The following METTL13 variants were observed in gnomAD, a reference collection of about 807,000 sequenced individuals.
METTL13 encodes the protein methyltransferase 13, eEF1A N-terminus and K55.
In METTL13, 52 loss-of-function variants were observed where a neutral mutation model predicts 67.4. The observed-to-expected ratio is 0.77, with a 90% confidence interval of 0.62 to 0.97. METTL13 has a LOEUF of 0.97. Among genes scored for constraint, METTL13 ranks in the 50% least tolerant of loss-of-function variants. The pLI is 0.00. For synonymous variants in METTL13, 354 were observed against 353.6 expected (o/e 1.00, Z -0.01); for missense variants, 825 against 889.6 (o/e 0.93, Z 0.92).
Position 171,796,825 on chromosome 1 carries a change from A to G in METTL13, c.*69A>G. The G allele has an allele frequency of 6.4e-7, 1 of 1,556,072 alleles. No individual in the cohort carries two copies. On this transcript the variant is annotated 3_prime_UTR_variant, in exon 8 of 8. Transcript: ENST00000361735. ...TCCCAGCCTGCCAGAGAATGAAGAA[A>G]TACAACGCACAGTACTTTTGAAGCT...
At chr1:171,786,752 A>AACCTCC (rs1436677556) in intron 3 of METTL13, among the ~76,000 whole-genome samples, 1 of 151,912 alleles carries the variant, frequency 6.6e-6, no homozygotes, top group African/African-American at 2.4e-5. Context: ...CCTCAGCCTC[A>AACCTCC]ACCTCCTGGG....
At chr1:171,787,112 G>A (rs1377507719) in intron 3 of METTL13, among the ~76,000 whole-genome samples, 1 of 152,066 alleles carries the variant, frequency 6.6e-6, no homozygotes. Context: ...AGCTTCATTT[G>A]TGGCCTCTCA....
Position 171,785,990 on chromosome 1 carries a change from A to G in METTL13, c.1025A>G (p.Gln342Arg). The stretch of plus-strand genomic sequence containing the variant: ...ATTACAGTGGCCCTTCACCGAGGTC[A>G]GCAGTATGAAAGCATGGACCACATC... Reference protein sequence around the residue: ...RLITVALHRGQQYESMDHIQA... With the variant: ...RLITVALHRGRQYESMDHIQA... The change falls in exon 3 of 8, where the codon CAG (glutamine) becomes CGG (arginine). Residue 342 changes from glutamine to arginine, a missense_variant. By Grantham distance (43) the Gln-to-Arg change is conservative. Transcript: ENST00000361735. 1.2e-6 allele frequency: 2 copies of G among 1,614,028 alleles called. No individual in the cohort carries two copies. The highest frequency in any genetic ancestry group is 1.7e-5 in the Admixed American group (1 of 60,014).
intron 6 of METTL13, 82 bp downstream of exon 6, chr1:171,792,317 A>T: frequency 6.7e-7 from 1 of 1,498,018 alleles, no homozygotes; most frequent in South Asian, 1.2e-5. Flanking sequence ...TCTACAGTTT[A>T]TCTCTAAGAG....
At chr1:171,792,985 T>C (rs12742601) in intron 6 of METTL13, among the ~76,000 whole-genome samples, 28,286 of 152,130 alleles carry the variant, frequency 0.19, 2,754 homozygotes, top group African/African-American at 0.21. Flanking sequence ...TAATTTTCTG[T>C]AAAATACTAG....
chr1:171,783,158 T>C (rs1296658205), intron 1 of METTL13, among the ~76,000 whole-genome samples: 4 of 152,078 alleles, frequency 2.6e-5, no homozygotes, highest in Admixed American at 2.6e-4. Context: ...CATCTCTTTG[T>C]ACCATGCTTT....
Position 171,783,892 on chromosome 1 carries a change from G to C in METTL13, c.306G>C (p.Lys102Asn), listed in dbSNP as rs564128406. Reference protein sequence around the residue: ...ATRRPQMSFLKMDMTQMEFPD... With the variant: ...ATRRPQMSFLNMDMTQMEFPD... ...GACGGCCCCAGATGAGCTTCTTGAA[G>C]ATGGACATGACGCAGATGGAGTTTC... Residue 102 changes from lysine to asparagine, a missense_variant, in exon 2 of 8, where the codon AAG becomes AAC. Coordinates refer to ENST00000361735, the MANE Select transcript of METTL13 (RefSeq NM_015935.5). 1 of 1,614,234 alleles carries C rather than the reference G, an allele frequency of 6.2e-7. No homozygotes were observed. The highest frequency in any genetic ancestry group is 8.5e-7 in the Non-Finnish European group (1 of 1,180,050).
At position 171,794,378 on chromosome 1, in the gene METTL13, T is replaced by C. The variant is rs1251714755; in HGVS notation, c.1694-18T>C. On this transcript the variant is annotated intron_variant, in intron 6 of 7. Coordinates refer to ENST00000361735, the MANE Select transcript of METTL13 (RefSeq NM_015935.5). The stretch of plus-strand genomic sequence containing the variant: ...TTTATCCAGCAAAGACAAGGACTTG[T>C]TTCCTTCTTTTTCCCAGCACGGCCT... 6.2e-7 allele frequency: 1 copy of C among 1,613,944 alleles called. No individual in the cohort carries two copies. The highest frequency in any genetic ancestry group is 1.3e-5 in the African/African-American group (1 of 74,924).
At position 171,796,681 on chromosome 1, in the gene METTL13, C is replaced by T. The variant is rs1371590029; in HGVS notation, c.2025C>T (p.Thr675=). The T allele has an allele frequency of 5.0e-6, 8 of 1,614,052 alleles. No individual in the cohort carries two copies. The highest frequency in any genetic ancestry group is 1.3e-5 in the African/African-American group (1 of 74,908). ...LLETAQALER[T]LRKPGRGWDD... is the part of the protein sequence containing the mutation. Reference sequence around the variant, plus strand: ...AAACAGCCCAGGCTTTGGAGCGGACCCTGAGGAAGCCTGGGAGGGGTTGGG... The same window carrying T: ...AAACAGCCCAGGCTTTGGAGCGGACTCTGAGGAAGCCTGGGAGGGGTTGGG... Residue 675 remains threonine (T), a synonymous_variant, in exon 8 of 8, where the codon ACC becomes ACT. Transcript: ENST00000361735.
chr1:171,787,601 T>G, intron 3 of METTL13, 134 bp from the exon 4 acceptor site: 1 of 748,018 alleles, frequency 1.3e-6, no homozygotes, highest in South Asian at 2.0e-5. Context: ...TTTAATAGAA[T>G]GGCAAATCTG....
chr1:171,790,358 G>A, intron 4 of METTL13, 94 bp from the exon 5 acceptor site: 2 of 1,316,362 alleles, frequency 1.5e-6, no homozygotes, highest in South Asian at 4.6e-5. Context: ...TGGGTCTTTT[G>A]AGTGTTCAAG....
In METTL13 at chr1:171,789,580, A is replaced by C. The variant is rs145649114; in HGVS notation, c.1310-872A>C. Reference sequence around the variant, plus strand: ...TTCATGTGCCAAGAATTGGAATGATAAGGTTGTTAGAAGAGCTAAAAAAAT... The same window carrying C: ...TTCATGTGCCAAGAATTGGAATGATCAGGTTGTTAGAAGAGCTAAAAAAAT... On this transcript the variant is annotated intron_variant, in intron 4 of 7. Transcript: ENST00000361735. Among the ~76,000 whole-genome samples, 420 of 152,298 alleles carry C rather than the reference A, an allele frequency of 2.8e-3. 2 individuals are homozygous for C. The highest frequency in any genetic ancestry group is 9.6e-3 in the African/African-American group (397 of 41,562).
intron 4 of METTL13, among the ~76,000 whole-genome samples, chr1:171,788,280 C>T (rs1233627421): frequency 6.6e-6 from 1 of 152,184 alleles, no homozygotes; most frequent in Non-Finnish European, 1.5e-5. Flanking sequence ...GCCCTGCCCT[C>T]CATAGTGTGA....
intron 2 of METTL13, among the ~76,000 whole-genome samples, chr1:171,785,390 C>T (rs940878638): frequency 4.6e-5 from 7 of 152,106 alleles, no homozygotes; most frequent in African/African-American, 1.2e-4. Flanking sequence ...TGAATACAAG[C>T]GTGGGTAGAG....
intron 5 of METTL13, among the ~76,000 whole-genome samples, chr1:171,791,715 C>T (rs1007381580): frequency 1.3e-5 from 2 of 152,154 alleles, no homozygotes; most frequent in Admixed American, 6.5e-5. Context: ...CTGCCCACCT[C>T]GGCCTCCCAA....
chr1:171,790,574 A>G lies in METTL13; in HGVS notation c.1432A>G (p.Ile478Val), dbSNP rs1234053031. The G allele has an allele frequency of 6.2e-7, 1 of 1,600,142 alleles. No individual in the cohort carries two copies. Among genetic ancestry groups the G allele is most frequent in the South Asian group, 1.1e-5 (1 of 88,910 alleles). ...GTGTTGTGAACACCACAAAGCCATG[A>G]TCGCTGGCCTTGCCCTGCTGAGAAA... ...YLCCEHHKAM[I>V]AGLALLRNPE... Residue 478 changes from isoleucine to valine, a missense_variant, in exon 5 of 8, where the codon ATC (isoleucine) becomes GTC (valine). Ile to Val is a conservative substitution (Grantham distance 29, BLOSUM62 3). Coordinates refer to ENST00000361735, the MANE Select transcript of METTL13 (RefSeq NM_015935.5).
At position 171,784,222 on chromosome 1, in the gene METTL13, C is replaced by T. The variant is rs1366946671; in HGVS notation, c.636C>T (p.Phe212=). 6.2e-7 allele frequency: 1 copy of T among 1,613,996 alleles called. No individual in the cohort carries two copies. The highest frequency in any genetic ancestry group is 8.5e-7 in the Non-Finnish European group (1 of 1,180,064). Residue 212 remains phenylalanine, a synonymous_variant, in exon 2 of 8, where the codon TTC becomes TTT. Coordinates refer to ENST00000361735, the MANE Select transcript of METTL13 (RefSeq NM_015935.5). ...LPVFAFIMTK[F]RPVPGSALQI... Reference sequence around the variant, plus strand: ...TCTTTGCCTTCATCATGACCAAGTTCAGGCCAGTCCCTGGCTCTGCCCTTC... The same window carrying T: ...TCTTTGCCTTCATCATGACCAAGTTTAGGCCAGTCCCTGGCTCTGCCCTTC...
At chr1:171,786,174 T>G in intron 3 of METTL13, 96 bp downstream of exon 3, 1 of 1,282,366 alleles carries the variant, frequency 7.8e-7, no homozygotes, top group Non-Finnish European at 1.1e-6. Flanking sequence ...GACTAGAGTC[T>G]GTGACTCTTC....
intron 1 of METTL13, among the ~76,000 whole-genome samples, chr1:171,783,257 T>A (rs1252691576): frequency 6.6e-6 from 1 of 152,184 alleles, no homozygotes; most frequent in Non-Finnish European, 1.5e-5. Flanking sequence ...TAAGTTCGGC[T>A]TCAGAAGATA....
Sources: gnomAD v4.1 joint callset for allele counts (sites outside exome capture counted in the v4.1 genomes callset) on GRCh38, gnomAD v4.1.1 for gene constraint, MANE v1.5 for transcripts, NCBI Gene and HGNC (gene_info 2026-07-23, HGNC 2026-07-21) for gene names.